MAGI1: variants seen among roughly 807,000 people sequenced by gnomAD.
MAGI1 encodes the protein membrane associated guanylate kinase, WW and PDZ domain containing 1.
MAGI1 carries 58 observed loss-of-function variants against 139.9 expected under a neutral mutation model. The observed-to-expected ratio is 0.41, with a 90% CI of 0.34 to 0.52. MAGI1 has a LOEUF of 0.52. MAGI1 is among the 20% of genes least tolerant of loss of function. The probability of loss-of-function intolerance (pLI) is 0.12; values close to 1 mark genes in which losing one functional copy is unlikely to be tolerated. For synonymous variants in MAGI1, 812 were observed against 737.9 expected (o/e 1.10, Z -1.63); for missense variants, 1,874 against 1,901.6 (o/e 0.99, Z 0.27).
Position 65,542,618 on chromosome 3 carries a change from C to T in MAGI1, c.431-48987G>A, listed in dbSNP as rs372468130. ...ACACCACACATCTACAACCATATGA[C>T]CTTCGACAAACCTGACAAAAACACA... On this transcript the variant is annotated intron_variant, in intron 2 of 22. Coordinates refer to ENST00000402939, the MANE Select transcript of MAGI1 (RefSeq NM_001033057.2). Among the ~76,000 whole-genome samples, 65 of 152,164 alleles carry T rather than the reference C, an allele frequency of 4.3e-4. No homozygotes were observed. The East Asian group carries it at 8.7e-3, about 20-fold the overall frequency.
At chr3:65,750,004 C>T (rs2036014542) in intron 1 of MAGI1, among the ~76,000 whole-genome samples, 1 of 152,084 alleles carries the variant, frequency 6.6e-6, no homozygotes, top group Non-Finnish European at 1.5e-5. Context: ...GGCTGCAGCA[C>T]AACAAACGAG....
At chr3:65,682,775 C>T (rs921915328) in intron 1 of MAGI1, among the ~76,000 whole-genome samples, 6 of 151,878 alleles carry the variant, frequency 4.0e-5, no homozygotes, top group Non-Finnish European at 7.4e-5. Flanking sequence ...CTGTGAAAGC[C>T]CATGTGAAGA....
At chr3:65,726,762 T>C (rs1159329389) in intron 1 of MAGI1, among the ~76,000 whole-genome samples, 1 of 152,032 alleles carries the variant, frequency 6.6e-6, no homozygotes, top group Non-Finnish European at 1.5e-5. Flanking sequence ...TTCAGGCACC[T>C]AGGGACCTCA....
At chr3:65,798,371 G>A (rs886693532) in intron 1 of MAGI1, among the ~76,000 whole-genome samples, 29 of 151,844 alleles carry the variant, frequency 1.9e-4, no homozygotes, top group African/African-American at 4.6e-4. Context: ...ACAACCCCTC[G>A]CCCATTCCAT....
intron 1 of MAGI1, among the ~76,000 whole-genome samples, chr3:66,017,751 G>C (rs9848865): frequency 0.64 from 96,902 of 151,960 alleles, 31,984 homozygotes; most frequent in East Asian, 0.86. Flanking sequence ...ATCCGTATAG[G>C]TCTACTCTCC....
chr3:65,492,384 C>T lies in MAGI1; in HGVS notation c.550+1128G>A, dbSNP rs185118668. Among the ~76,000 whole-genome samples, 45 of 152,298 alleles carry T rather than the reference C, an allele frequency of 3.0e-4. 1 individual carries two copies. The East Asian group carries it at 6.9e-3, about 24-fold the overall frequency. On this transcript the variant is annotated intron_variant, in intron 3 of 22. Transcript: ENST00000402939. The stretch of plus-strand genomic sequence containing the variant: ...TATGAAATGATACATCCATGTCATT[C>T]GACTCAGCAGTGTTTAGAAATATGA...
At chr3:65,535,784 T>C (rs765395140) in intron 2 of MAGI1, among the ~76,000 whole-genome samples, 1 of 152,240 alleles carries the variant, frequency 6.6e-6, no homozygotes, top group Non-Finnish European at 1.5e-5. Flanking sequence ...TAGAGATCAG[T>C]TAGGTAACCT....
intron 1 of MAGI1, among the ~76,000 whole-genome samples, chr3:66,021,918 T>G (rs1032789743): frequency 6.6e-6 from 1 of 152,130 alleles, no homozygotes; most frequent in Non-Finnish European, 1.5e-5. Flanking sequence ...GTGTTCAAAG[T>G]TGATGATTTT....
At chr3:65,723,264 A>AAGCATCTTGTGTCTACAAG (rs1254718351) in intron 1 of MAGI1, among the ~76,000 whole-genome samples, 17 of 152,264 alleles carry the variant, frequency 1.1e-4, no homozygotes, top group Admixed American at 2.6e-4. Flanking sequence ...GTGTGTTTAT[A>AAGCATCTTGTGTCTACAAG]AGCATCTTGT....
intron 1 of MAGI1, among the ~76,000 whole-genome samples, chr3:65,958,634 G>A (rs2064251872): frequency 6.6e-6 from 1 of 152,152 alleles, no homozygotes; most frequent in East Asian, 1.9e-4. Flanking sequence ...ACAGAGTTCC[G>A]GGTAATATGG....
At chr3:65,627,460 T>C (rs1242932637) in intron 1 of MAGI1, among the ~76,000 whole-genome samples, 1 of 149,486 alleles carries the variant, frequency 6.7e-6, no homozygotes, top group Non-Finnish European at 1.5e-5. Flanking sequence ...CTCTCTTGAT[T>C]TGCCGTTATT....
Position 65,530,834 on chromosome 3 carries a change from T to TAC in MAGI1, c.431-37204_431-37203insGT, listed in dbSNP as rs1431098233. On this transcript the variant is annotated intron_variant, in intron 2 of 22. Coordinates refer to ENST00000402939, the MANE Select transcript of MAGI1 (RefSeq NM_001033057.2). Reference sequence around the variant, plus strand: ...ACATATATATACACGTATATATATATATATACACACACACACACACATATA... The same window carrying TAC: ...ACATATATATACACGTATATATATATACATATACACACACACACACACATATA... 4.9e-3 allele frequency among the ~76,000 whole-genome samples: 175 copies of TAC among 35,550 alleles called. 12 individuals are homozygous for TAC. Among genetic ancestry groups the TAC allele is most frequent in the East Asian group, 0.013 (25 of 1,922 alleles). The allele number at this position is 35,550 out of a possible 152,430, so 23.3% of individuals were successfully genotyped here.
chr3:65,438,193 C>A (rs571593642), intron 9 of MAGI1, among the ~76,000 whole-genome samples: 1 of 152,118 alleles, frequency 6.6e-6, no homozygotes, highest in East Asian at 1.9e-4. Context: ...ACTGTTCAGC[C>A]ATAAAAAAGA....
rs575136015 is a variant in MAGI1, at chr3:65,379,078, C to A, written c.2995+183G>T. 737 of 1,297,956 alleles carry A rather than the reference C, an allele frequency of 5.7e-4. 1 individual carries two copies. Among genetic ancestry groups the A allele is most frequent in the Non-Finnish European group, 7.0e-4 (661 of 944,344 alleles). The allele number at this position is 1,297,956 out of a possible 1,614,324, so 80.4% of individuals were successfully genotyped here. On this transcript the variant is annotated intron_variant, in intron 17 of 22. Coordinates refer to ENST00000402939, the MANE Select transcript of MAGI1 (RefSeq NM_001033057.2). ...AGTTGAAAGGGTTGAACAAATATTC[C>A]CAACCTTCAAAAGGGAAAAAGCTAC... is the stretch of plus-strand genomic sequence containing the variant.
chr3:65,900,903 G>A (rs1258546411), intron 1 of MAGI1, among the ~76,000 whole-genome samples: 1 of 152,182 alleles, frequency 6.6e-6, no homozygotes, highest in East Asian at 1.9e-4. Context: ...TATATGCTAG[G>A]AGTGTGGACA....
rs72035925 is a variant in MAGI1, at chr3:65,923,226, C to CTTTTTTTTT, written c.313+114761_313+114769dup. On this transcript the variant is annotated intron_variant, in intron 1 of 22. Transcript: ENST00000402939. Reference sequence around the variant, plus strand: ...TGTTAAGCTTGCATTCAACAGACATCTTTTTTTTTTTTTTTTTGAGATGGA... The same window carrying CTTTTTTTTT: ...TGTTAAGCTTGCATTCAACAGACATCTTTTTTTTTTTTTTTTTTTTTTTTTTGAGATGGA... Among the ~76,000 whole-genome samples, 4 of 139,962 alleles carry CTTTTTTTTT rather than the reference C, an allele frequency of 2.9e-5. 2 individuals carry two copies. Among genetic ancestry groups the CTTTTTTTTT allele is most frequent in the African/African-American group, 5.3e-5 (2 of 37,400 alleles). 91.8% of individuals were successfully genotyped at this position (139,962 alleles called of 152,430 possible).
At chr3:65,658,448 A>G (rs1281611594) in intron 1 of MAGI1, among the ~76,000 whole-genome samples, 1 of 152,234 alleles carries the variant, frequency 6.6e-6, no homozygotes, top group Non-Finnish European at 1.5e-5. Context: ...AACACAGTGT[A>G]TAAGCACTGA....
chr3:66,016,772 G>A (rs562499260), intron 1 of MAGI1, among the ~76,000 whole-genome samples: 2 of 152,332 alleles, frequency 1.3e-5, no homozygotes, highest in South Asian at 2.1e-4. Context: ...GATGAAGGGT[G>A]AGCAAAATGG....
At chr3:65,523,232 AT>A (rs2078240282) in intron 2 of MAGI1, among the ~76,000 whole-genome samples, 1 of 152,206 alleles carries the variant, frequency 6.6e-6, no homozygotes, top group Non-Finnish European at 1.5e-5. Flanking sequence ...GAACTAATGC[AT>A]GCCCACCATT....
Sources: allele counts gnomAD v4.1 joint callset (sites outside exome capture counted in the v4.1 genomes callset), GRCh38; gene constraint gnomAD v4.1.1; transcripts MANE v1.5; gene names NCBI Gene and HGNC (gene_info 2026-07-23, HGNC 2026-07-21).